Variants in NBEAL1 observed in about 807,000 individuals in gnomAD.
NBEAL1 encodes neurobeachin like 1.
Under a neutral mutation model 351.3 loss-of-function variants are expected in NBEAL1, and 273 were observed. That is an observed-to-expected ratio of 0.78 (90% CI 0.70 to 0.86). The LOEUF (loss-of-function observed/expected upper bound fraction) is 0.86, where lower values mean the gene tolerates loss of function less well. Ranked by LOEUF, NBEAL1 falls within the 40% of genes least tolerant of loss-of-function variation. NBEAL1 has a pLI of 0.00. For missense variants in NBEAL1, 2,961 were observed against 3,201.3 expected, an observed-to-expected ratio of 0.92 and a Z score of 1.81; for synonymous variants, 1,050 against 1,086.4, an observed-to-expected ratio of 0.97 and a Z score of 0.66.
intron 31 of NBEAL1, among the ~76,000 whole-genome samples, chr2:203,144,256 T>G (rs1045503402): frequency 6.7e-6 from 1 of 148,742 alleles, no homozygotes; most frequent in Admixed American, 6.7e-5. Context: ...TTTATACTGG[T>G]GGTTTCTCTC....
chr2:203,038,790 A>G (rs1161491228), intron 2 of NBEAL1, among the ~76,000 whole-genome samples: 3 of 148,458 alleles, frequency 2.0e-5, no homozygotes, highest in East Asian at 3.9e-4. Context: ...AATTCCTCCA[A>G]TCTCAACCTC....
chr2:203,172,549 G>A (rs770541750), intron 40 of NBEAL1, among the ~76,000 whole-genome samples, 180 bp from the exon 41 acceptor site: 21 of 152,038 alleles, frequency 1.4e-4, no homozygotes, highest in Non-Finnish European at 2.8e-4. Context: ...AGATTCCAGT[G>A]GAATTATAGG....
chr2:203,193,004 C>T (rs1252489498), intron 46 of NBEAL1, among the ~76,000 whole-genome samples: 1 of 98,314 alleles, frequency 1.0e-5, no homozygotes, highest in Non-Finnish European at 1.8e-5. Flanking sequence ...TGGAGTCTTA[C>T]TCTGTCACCC....
At chr2:203,080,292 A>G (rs2061849923) in intron 8 of NBEAL1, among the ~76,000 whole-genome samples, 1 of 151,930 alleles carries the variant, frequency 6.6e-6, no homozygotes, top group Non-Finnish European at 1.5e-5. Flanking sequence ...GGCGCCTGTA[A>G]TCCCTGCTAC....
chr2:203,141,660 G>A (rs934164710), intron 31 of NBEAL1, among the ~76,000 whole-genome samples: 2 of 151,874 alleles, frequency 1.3e-5, no homozygotes, highest in East Asian at 3.9e-4. Flanking sequence ...TGGAATTACA[G>A]GTGTGAGCCA....
intron 10 of NBEAL1, among the ~76,000 whole-genome samples, chr2:203,093,788 C>T (rs889554945): frequency 1.3e-5 from 2 of 152,048 alleles, no homozygotes; most frequent in Admixed American, 1.3e-4. Flanking sequence ...GTGAAGGTTG[C>T]AGTGAGCCAT....
At chr2:203,199,531 T>C (rs994605571) in intron 49 of NBEAL1, 84 bp downstream of exon 49, 1 of 681,162 alleles carries the variant, frequency 1.5e-6, no homozygotes, top group Non-Finnish European at 2.5e-6. Flanking sequence ...GATTCATTTA[T>C]TCTGAAAGAA....
intron 2 of NBEAL1, among the ~76,000 whole-genome samples, chr2:203,030,934 G>A (rs1223529946): frequency 2.0e-5 from 3 of 152,144 alleles, no homozygotes; most frequent in Admixed American, 6.5e-5. Context: ...AGGATCACTC[G>A]AACCCAGTAT....
At chr2:203,085,381 C>A (rs185419433) in intron 10 of NBEAL1, 2 of 152,450 alleles carry the variant, frequency 1.3e-5, no homozygotes, top group Admixed American at 1.3e-4. Flanking sequence ...AGCCACCGTG[C>A]CTGGCCGAGA....
At chr2:203,111,347 G>A (rs1228471258) in intron 15 of NBEAL1, among the ~76,000 whole-genome samples, 1 of 151,968 alleles carries the variant, frequency 6.6e-6, no homozygotes, top group South Asian at 2.1e-4. Flanking sequence ...AAAATAAAAT[G>A]AGATGATAGA....
Position 203,161,019 on chromosome 2 carries a change from CCT to C in NBEAL1, c.5714+3201_5714+3202del, listed in dbSNP as rs548487668. On this transcript the variant is annotated intron_variant, in intron 36 of 55. Transcript: ENST00000683969. Reference sequence around the variant, plus strand: ...ACCAACCTGAGCAACATGGTGAGACCCTCTCTCTAAGAAAATAGGCCAGGGAG... The same window carrying C: ...ACCAACCTGAGCAACATGGTGAGACCCTCTCTAAGAAAATAGGCCAGGGAG... 7.1e-4 allele frequency among the ~76,000 whole-genome samples: 108 copies of C among 152,096 alleles called. 1 individual carries two copies. In the East Asian group the frequency reaches 0.02, roughly 28 times the overall value.
At position 203,136,668 on chromosome 2, in the gene NBEAL1, A is replaced by G; in HGVS notation, c.4459A>G (p.Lys1487Glu). The change falls in exon 29 of 56, where the codon AAG becomes GAG. Residue 1487 changes from lysine (K) to glutamate (E), a missense_variant. By Grantham distance (56) the Lys-to-Glu change is moderately conservative. Coordinates refer to ENST00000683969, the MANE Select transcript of NBEAL1 (RefSeq NM_001378026.1). ...LNYVMCKGLE[K>E]SDDDTWIERG... ...TTATGTAATGTGTAAGGGACTAGAA[A>G]AGTCTGATGATGATACTTGGATTGA... The G allele has an allele frequency of 5.0e-6, 8 of 1,613,668 alleles. No homozygotes were observed. Among genetic ancestry groups the G allele is most frequent in the Non-Finnish European group, 6.8e-6 (8 of 1,179,694 alleles).
At chr2:203,018,717 A>G (rs914035397) in intron 2 of NBEAL1, among the ~76,000 whole-genome samples, 11 of 152,116 alleles carry the variant, frequency 7.2e-5, no homozygotes, top group African/African-American at 2.4e-5. Context: ...CTGTCACCCA[A>G]TTTTGACTAT....
intron 18 of NBEAL1, among the ~76,000 whole-genome samples, chr2:203,119,247 A>T (rs1405765482): frequency 6.6e-6 from 1 of 150,526 alleles, no homozygotes; most frequent in Non-Finnish European, 1.5e-5. Context: ...GGCTCATTGT[A>T]GCCTCATCCT....
At chr2:203,131,252 G>A (rs2063065268) in intron 25 of NBEAL1, among the ~76,000 whole-genome samples, 1 of 152,162 alleles carries the variant, frequency 6.6e-6, no homozygotes. Context: ...GTCTCGCTCT[G>A]TCGCCTAGGC....
intron 10 of NBEAL1, among the ~76,000 whole-genome samples, chr2:203,090,293 C>T (rs1374436746): frequency 6.6e-6 from 1 of 152,016 alleles, no homozygotes; most frequent in African/African-American, 2.4e-5. Flanking sequence ...TACCCATTGC[C>T]CAAATAGTGA....
chr2:203,093,096 G>A (rs2062098684), intron 10 of NBEAL1, among the ~76,000 whole-genome samples: 1 of 151,906 alleles, frequency 6.6e-6, no homozygotes, highest in African/African-American at 2.4e-5. Flanking sequence ...GCCAGCCGTG[G>A]TGGTACATGC....
chr2:203,098,743 A>T (rs2062240112), intron 11 of NBEAL1, among the ~76,000 whole-genome samples: 1 of 152,140 alleles, frequency 6.6e-6, no homozygotes, highest in South Asian at 2.1e-4. Context: ...AAACATGACA[A>T]TACTTAGAGA....
At chr2:203,139,557 CT>C (rs370861737) in intron 31 of NBEAL1, among the ~76,000 whole-genome samples, 1,767 of 67,392 alleles carry the variant, frequency 0.026, 4 homozygotes, top group African/African-American at 0.095. Context: ...CCACCCCCAC[CT>C]TTTTTTTTTT....
Sources: gnomAD v4.1 joint callset for allele counts (sites outside exome capture counted in the v4.1 genomes callset) on GRCh38, gnomAD v4.1.1 for gene constraint, MANE v1.5 for transcripts, NCBI Gene and HGNC (gene_info 2026-07-23, HGNC 2026-07-21) for gene names.